Variants in SORCS3 observed in about 807,000 individuals in gnomAD.
SORCS3 encodes the protein VPS10 domain-containing receptor SorCS3.
A neutral mutation model predicts 146.3 loss-of-function variants in SORCS3; 57 were observed. The observed-to-expected ratio is 0.39, with a 90% confidence interval of 0.31 to 0.49. The LOEUF (loss-of-function observed/expected upper bound fraction) is 0.49. SORCS3 is among the 20% of genes least tolerant of loss of function. SORCS3 has a pLI of 0.92. For synonymous variants in SORCS3, 653 were observed against 618.5 expected (o/e 1.06, Z -0.83); for missense variants, 1,341 against 1,575.5 (o/e 0.85, Z 2.52).
intron 6 of SORCS3, among the ~76,000 whole-genome samples, chr10:105,093,074 A>G (rs931652255): frequency 6.6e-5 from 10 of 152,202 alleles, no homozygotes; most frequent in Non-Finnish European, 1.3e-4. Flanking sequence ...AGAAAATCCT[A>G]AGGTATCCAT....
intron 7 of SORCS3, among the ~76,000 whole-genome samples, chr10:105,123,461 C>G (rs1199466288): frequency 2.0e-5 from 3 of 152,164 alleles, no homozygotes. Context: ...TGAATCTTTC[C>G]TTCCTTTCTT....
At chr10:104,920,727 C>T (rs1038596131) in intron 3 of SORCS3, among the ~76,000 whole-genome samples, 5 of 152,262 alleles carry the variant, frequency 3.3e-5, no homozygotes, top group Non-Finnish European at 5.9e-5. Flanking sequence ...AGGCTGTGAG[C>T]AGGGTATAAT....
At chr10:104,963,485 T>C (rs942343243) in intron 3 of SORCS3, among the ~76,000 whole-genome samples, 1 of 152,168 alleles carries the variant, frequency 6.6e-6, no homozygotes, top group African/African-American at 2.4e-5. Context: ...TCCTTCTCCC[T>C]CTCAGGCTCC....
chr10:104,765,270 GC>G (rs1341034787), intron 1 of SORCS3, among the ~76,000 whole-genome samples: 2 of 152,136 alleles, frequency 1.3e-5, no homozygotes, highest in Admixed American at 6.5e-5. Flanking sequence ...TTCCTCATAA[GC>G]CCCTTGCCCT....
At chr10:105,256,428 A>G (rs2056931593) in intron 24 of SORCS3, among the ~76,000 whole-genome samples, 1 of 152,214 alleles carries the variant, frequency 6.6e-6, no homozygotes, top group South Asian at 2.1e-4. Context: ...GTGTAAAGGA[A>G]GAGAATGAAA....
chr10:104,684,193 A>C (rs76798884), intron 1 of SORCS3, among the ~76,000 whole-genome samples: 63 of 152,214 alleles, frequency 4.1e-4, no homozygotes, highest in African/African-American at 1.3e-3. Flanking sequence ...TGTGAGTCTC[A>C]GCTTCCTCAG....
At chr10:105,218,350 A>AT (rs1270405294) in intron 19 of SORCS3, among the ~76,000 whole-genome samples, 1 of 152,240 alleles carries the variant, frequency 6.6e-6, no homozygotes, top group Non-Finnish European at 1.5e-5. Context: ...CACACAAAAA[A>AT]CACCCAATCA....
At chr10:105,211,586 T>C (rs919658650) in intron 17 of SORCS3, among the ~76,000 whole-genome samples, 2 of 152,170 alleles carry the variant, frequency 1.3e-5, no homozygotes, top group African/African-American at 4.8e-5. Flanking sequence ...TGTGCAGATA[T>C]TACACTACTC....
chr10:104,839,218 C>G (rs188821150), intron 1 of SORCS3, among the ~76,000 whole-genome samples: 15 of 152,318 alleles, frequency 9.8e-5, no homozygotes, highest in South Asian at 2.1e-4. Context: ...GAAGGCCACT[C>G]ATGTAACGTT....
chr10:105,077,843 A>G (rs1376094062), intron 5 of SORCS3, among the ~76,000 whole-genome samples: 1 of 152,212 alleles, frequency 6.6e-6, no homozygotes, highest in Admixed American at 6.5e-5. Flanking sequence ...GCAGGACCTC[A>G]TGGTACAGAC....
intron 13 of SORCS3, among the ~76,000 whole-genome samples, chr10:105,174,381 TAG>T (rs1199303229): frequency 3.2e-4 from 48 of 152,144 alleles, no homozygotes; most frequent in Non-Finnish European, 5.4e-4. Context: ...CCATTCAATA[TAG>T]AATTCAATAT....
intron 3 of SORCS3, among the ~76,000 whole-genome samples, chr10:104,976,600 A>C (rs1481413056): frequency 1.3e-5 from 2 of 152,174 alleles, no homozygotes; most frequent in Non-Finnish European, 2.9e-5. Context: ...TGCTATAAAG[A>C]CACATGCACA....
chr10:105,131,506 C>T (rs10884100), intron 7 of SORCS3, among the ~76,000 whole-genome samples: 47,525 of 152,040 alleles, frequency 0.31, 7,629 homozygotes, highest in Middle Eastern at 0.37. Context: ...CACTTCTGTG[C>T]GACAATGTAG....
At chr10:105,200,177 C>A (rs200144825) in intron 15 of SORCS3, 61 bp downstream of exon 15, 24 of 1,324,312 alleles carry the variant, frequency 1.8e-5, no homozygotes, top group Non-Finnish European at 2.4e-5. Flanking sequence ...GCAAGTCCGA[C>A]TGGGTCTTAT....
At chr10:105,034,872 TG>T (rs1428984553) in intron 4 of SORCS3, among the ~76,000 whole-genome samples, 1 of 152,172 alleles carries the variant, frequency 6.6e-6, no homozygotes, top group Non-Finnish European at 1.5e-5. Context: ...GAGACTTAAG[TG>T]GAAACCCTGC....
intron 2 of SORCS3, among the ~76,000 whole-genome samples, chr10:104,900,332 T>C (rs1202628669): frequency 1.4e-4 from 22 of 152,306 alleles, no homozygotes; most frequent in Non-Finnish European, 2.9e-5. Flanking sequence ...GTAAACAGAT[T>C]ATGCTTCTTC....
intron 3 of SORCS3, among the ~76,000 whole-genome samples, chr10:104,945,943 G>A (rs1416229517): frequency 6.6e-6 from 1 of 152,080 alleles, no homozygotes; most frequent in Non-Finnish European, 1.5e-5. Context: ...ATGATTTTAA[G>A]AGCTGGCACC....
At chr10:104,895,748 A>G (rs962348564) in intron 2 of SORCS3, among the ~76,000 whole-genome samples, 1 of 152,184 alleles carries the variant, frequency 6.6e-6, no homozygotes, top group East Asian at 1.9e-4. Context: ...ACACGCTTAC[A>G]TGTATGATGG....
chr10:104,876,703 T>TTTCCTTCCTTCCTTCCTTCCTTCCTTCC (rs747594890), intron 2 of SORCS3, among the ~76,000 whole-genome samples: 4 of 104,660 alleles, frequency 3.8e-5, no homozygotes, highest in Admixed American at 9.7e-5. Flanking sequence ...TGGTCCAGGT[T>TTTCCTTCCTTCCTTCCTTCCTTCCTTCC]TTCCTTCCTT....
Sources: allele counts gnomAD v4.1 joint callset (sites outside exome capture counted in the v4.1 genomes callset), GRCh38; gene constraint gnomAD v4.1.1; transcripts MANE v1.5; gene names NCBI Gene and HGNC (gene_info 2026-07-23, HGNC 2026-07-21).